ESRRB: variants seen among roughly 807,000 people sequenced by gnomAD.
The protein encoded by ESRRB is estrogen related receptor beta.
ESRRB carries 16 observed loss-of-function variants against 46.0 expected under a neutral mutation model. The observed-to-expected ratio is 0.35, with a 90% CI of 0.24 to 0.53. ESRRB has a LOEUF of 0.53. ESRRB is among the 20% of genes least tolerant of loss of function. The pLI is 0.93. For missense variants in ESRRB, 488 were observed against 607.4 expected (o/e 0.80, Z 2.07); for synonymous variants, 246 against 259.6 (o/e 0.95, Z 0.50).
chr14:76,369,395 T>C (rs114705609), upstream of ESRRB, among the ~76,000 whole-genome samples: 3,292 of 151,038 alleles, frequency 0.022, 121 homozygotes, highest in African/African-American at 0.076. Flanking sequence ...CTGCTAAGCC[T>C]CCCGAGTAGC....
chr14:76,403,559 A>G (rs1009640682), intron 1 of ESRRB, among the ~76,000 whole-genome samples: 4 of 152,118 alleles, frequency 2.6e-5, no homozygotes, highest in African/African-American at 9.7e-5. Flanking sequence ...GGAAAGGCAG[A>G]GCATAGCTCA....
At chr14:76,380,729 A>G (rs911982402) in intron 1 of ESRRB, among the ~76,000 whole-genome samples, 1 of 152,080 alleles carries the variant, frequency 6.6e-6, no homozygotes, top group African/African-American at 2.4e-5. Context: ...GTGGCTCTTG[A>G]CTGAATGTTA....
chr14:76,346,445 C>T (rs866953628), intron 1 of ESRRB, among the ~76,000 whole-genome samples: 3 of 152,224 alleles, frequency 2.0e-5, no homozygotes, highest in South Asian at 2.1e-4. Context: ...CAGGGCAACA[C>T]CCTTAGTGTC....
chr14:76,491,837 T>C (rs1451565794), intron 6 of ESRRB, 121 bp downstream of exon 6: 9 of 1,203,068 alleles, frequency 7.5e-6, no homozygotes, highest in East Asian at 2.6e-5. Context: ...AGGAAAACAC[T>C]GAAACTTTTT....
In ESRRB at chr14:76,499,089, G is replaced by A; in HGVS notation, c.*631G>A. 1 of 334,330 alleles carries A rather than the reference G, an allele frequency of 3.0e-6. No individual in the cohort carries two copies. 20.7% of individuals were successfully genotyped at this position (334,330 alleles called of 1,614,324 possible). ...CTTCCTGGGCACCCCACCCCTCGGG[G>A]CCTACCCCCCTGCCTGTCACCCACC... On this transcript the variant is annotated 3_prime_UTR_variant, in exon 7 of 7. Transcript: ENST00000644823.
intron 2 of ESRRB, among the ~76,000 whole-genome samples, chr14:76,461,045 C>T (rs143831475): frequency 6.6e-6 from 1 of 151,992 alleles, no homozygotes; most frequent in East Asian, 1.9e-4. Context: ...CTGCTCTCCC[C>T]CCATCGTCTT....
At position 76,500,777 on chromosome 14, in the gene ESRRB, A is replaced by T; in HGVS notation, c.*2319A>T. 6.3e-7 allele frequency: 1 copy of T among 1,596,058 alleles called. No homozygotes were observed. The highest frequency in any genetic ancestry group is 8.6e-7 in the Non-Finnish European group (1 of 1,163,634). ...ACACCAGGCAGCTGCACCTCACTGG[A>T]TCTAGTGTTGCTGCGAGTGACCTCA... On this transcript the variant is annotated 3_prime_UTR_variant, in exon 7 of 7. Transcript: ENST00000644823.
At chr14:76,314,726 T>G (rs1439175035) in intron 1 of ESRRB, among the ~76,000 whole-genome samples, 1 of 151,946 alleles carries the variant, frequency 6.6e-6, no homozygotes, top group Non-Finnish European at 1.5e-5. Flanking sequence ...GAGAAGCAAC[T>G]TGGCCAAGGT....
chr14:76,346,550 T>C (rs1329331225), intron 1 of ESRRB, among the ~76,000 whole-genome samples: 4 of 152,146 alleles, frequency 2.6e-5, no homozygotes, highest in African/African-American at 7.2e-5. Context: ...CAAGACACCA[T>C]GGGGGCTTGG....
chr14:76,469,242 C>T (rs952836567), intron 3 of ESRRB, among the ~76,000 whole-genome samples: 5 of 152,070 alleles, frequency 3.3e-5, no homozygotes, highest in East Asian at 1.9e-4. Flanking sequence ...TATAGGCATG[C>T]GCCACCATGC....
intron 1 of ESRRB, among the ~76,000 whole-genome samples, chr14:76,350,711 T>C (rs975537104): frequency 6.6e-6 from 1 of 152,124 alleles, no homozygotes; most frequent in African/African-American, 2.4e-5. Context: ...TAGGGGGTGA[T>C]TGTTGAGGGA....
intron 1 of ESRRB, among the ~76,000 whole-genome samples, chr14:76,407,102 A>C (rs1206227311): frequency 6.6e-6 from 1 of 152,238 alleles, no homozygotes; most frequent in African/African-American, 2.4e-5. Flanking sequence ...TCAAAGGATA[A>C]GCTGATGTGC....
chr14:76,411,327 A>G (rs987339074), intron 1 of ESRRB, among the ~76,000 whole-genome samples: 4 of 152,062 alleles, frequency 2.6e-5, no homozygotes, highest in Non-Finnish European at 5.9e-5. Context: ...GGGCACCTGT[A>G]ATCCCAGCTA....
intron 1 of ESRRB, among the ~76,000 whole-genome samples, chr14:76,363,579 T>C (rs1210356261): frequency 6.6e-6 from 1 of 152,234 alleles, no homozygotes; most frequent in African/African-American, 2.4e-5. Context: ...AGAGCACACC[T>C]CATTCCAATT....
intron 5 of ESRRB, among the ~76,000 whole-genome samples, chr14:76,483,398 C>T (rs1889884639): frequency 6.6e-6 from 1 of 152,176 alleles, no homozygotes; most frequent in Non-Finnish European, 1.5e-5. Flanking sequence ...TATTGCCATT[C>T]GCCTGATCTC....
In ESRRB at chr14:76,417,141, A is replaced by T. The variant is rs374478804; in HGVS notation, c.51-22200A>T. Among the ~76,000 whole-genome samples the T allele has an allele frequency of 2.0e-5, 3 of 152,282 alleles. No homozygotes were observed. The South Asian group carries it at 6.2e-4, about 32-fold the overall frequency. On this transcript the variant is annotated intron_variant, in intron 1 of 6. Transcript: ENST00000644823. ...AATAGAGTGAGACTCCATCTCAAAAACAAAAAAAGAAAGAAAGAAAAAGAT... is the reference window on the plus strand; with the variant it reads ...AATAGAGTGAGACTCCATCTCAAAATCAAAAAAAGAAAGAAAGAAAAAGAT...
chr14:76,419,365 G>A (rs980704308), intron 1 of ESRRB, among the ~76,000 whole-genome samples: 5 of 152,148 alleles, frequency 3.3e-5, no homozygotes, highest in Non-Finnish European at 7.3e-5. Context: ...AATCAAGGGT[G>A]GGGGACACGG....
upstream of ESRRB, among the ~76,000 whole-genome samples, chr14:76,366,904 T>G (rs944753450): frequency 1.1e-4 from 16 of 152,180 alleles, no homozygotes; most frequent in Non-Finnish European, 2.4e-4. Flanking sequence ...TGAGTACAGA[T>G]AGTCATCCAT....
chr14:76,349,632 T>C (rs1007240249), intron 1 of ESRRB, among the ~76,000 whole-genome samples: 2 of 152,106 alleles, frequency 1.3e-5, no homozygotes, highest in African/African-American at 4.8e-5. Context: ...ACCAATAGCC[T>C]AGTGGGTGGT....
Sources: allele counts gnomAD v4.1 joint callset (sites outside exome capture counted in the v4.1 genomes callset), GRCh38; gene constraint gnomAD v4.1.1; transcripts MANE v1.5; gene names NCBI Gene and HGNC (gene_info 2026-07-23, HGNC 2026-07-21).